Variants in SERPINI1 observed in about 807,000 individuals in gnomAD.
SERPINI1 encodes the protein neuroserpin.
SERPINI1 carries 19 observed loss-of-function variants against 41.1 expected under a neutral mutation model. The ratio of observed to expected loss-of-function variants is 0.46; its 90% CI spans 0.32 to 0.68. SERPINI1 has a LOEUF of 0.68. Ranked by LOEUF, SERPINI1 falls within the 30% of genes least tolerant of loss-of-function variation. The pLI is 0.03. For synonymous variants in SERPINI1, 138 were observed against 156.6 expected (o/e 0.88, Z 0.89); for missense variants, 460 against 479.2 (o/e 0.96, Z 0.37).
intron 1 of SERPINI1, among the ~76,000 whole-genome samples, chr3:167,786,524 A>AG (rs1727318402): frequency 6.6e-6 from 1 of 151,382 alleles, no homozygotes; most frequent in Non-Finnish European, 1.5e-5. Flanking sequence ...AAAAAAAAAA[A>AG]AAAGACTTAA....
At chr3:167,744,666 AT>A (rs1225066364) in intron 1 of SERPINI1, among the ~76,000 whole-genome samples, 13 of 112,798 alleles carry the variant, frequency 1.2e-4, no homozygotes, top group African/African-American at 4.7e-4. Flanking sequence ...AAATATAAAA[AT>A]ATATATATAA....
At chr3:167,774,619 C>T (rs1295282041) in intron 1 of SERPINI1, among the ~76,000 whole-genome samples, 4 of 152,136 alleles carry the variant, frequency 2.6e-5, no homozygotes, top group Non-Finnish European at 5.9e-5. Flanking sequence ...ACCCGAGCTC[C>T]ACCTCCTGTC....
intron 6 of SERPINI1, among the ~76,000 whole-genome samples, chr3:167,812,593 C>T (rs1711930737): frequency 6.6e-6 from 1 of 152,142 alleles, no homozygotes; most frequent in Non-Finnish European, 1.5e-5. Flanking sequence ...ATTTATGTGT[C>T]TAATATTCCC....
intron 1 of SERPINI1, among the ~76,000 whole-genome samples, chr3:167,781,616 C>A (rs920664817): frequency 2.3e-4 from 33 of 143,868 alleles, no homozygotes; most frequent in African/African-American, 8.1e-4. Context: ...GCATTTCTCC[C>A]TAGTTATTTC....
Position 167,760,475 on chromosome 3 carries a change from A to G in SERPINI1, c.-19+24652A>G, listed in dbSNP as rs148982820. ...ATATAACCTCCAATCCTCTGATACT[A>G]TGTCTCTGGGTTGAACATGCAGCCT... On this transcript the variant is annotated intron_variant, in intron 1 of 8. Coordinates refer to ENST00000446050, the MANE Select transcript of SERPINI1 (RefSeq NM_001122752.2). Among the ~76,000 whole-genome samples, 1,242 of 151,672 alleles carry G rather than the reference A, an allele frequency of 8.2e-3. 13 individuals carry two copies. Among genetic ancestry groups the G allele is most frequent in the African/African-American group, 0.028 (1,164 of 41,346 alleles).
chr3:167,820,158 G>C (rs1712263133), intron 6 of SERPINI1, among the ~76,000 whole-genome samples: 1 of 147,226 alleles, frequency 6.8e-6, no homozygotes, highest in Non-Finnish European at 1.5e-5. Flanking sequence ...TGTGTAGATG[G>C]CCGTCTGTCC....
chr3:167,748,069 ATACT>A lies in SERPINI1; in HGVS notation c.-19+12249_-19+12252del, dbSNP rs939868313. 3.9e-5 allele frequency among the ~76,000 whole-genome samples: 6 copies of A among 152,192 alleles called. No individual in the cohort carries two copies. In the South Asian group the frequency reaches 6.2e-4, roughly 16 times the overall value. On this transcript the variant is annotated intron_variant, in intron 1 of 8. Transcript: ENST00000446050. ...TCTTATTTTTCACTCAGAAAATATA[ATACT>A]TAGGAACAAAAAAGTGTGATCAAAA...
chr3:167,752,220 A>G (rs1204447486), intron 1 of SERPINI1, among the ~76,000 whole-genome samples: 2 of 148,506 alleles, frequency 1.3e-5, no homozygotes, highest in Non-Finnish European at 3.0e-5. Flanking sequence ...CATAACTCCT[A>G]AATGTATCTC....
Position 167,790,294 on chromosome 3 carries a change from G to A in SERPINI1, c.251-78G>A, listed in dbSNP as rs540853259. On this transcript the variant is annotated intron_variant, in intron 2 of 8. Coordinates refer to ENST00000446050, the MANE Select transcript of SERPINI1 (RefSeq NM_001122752.2). ...CTGTTTGGTTAATCTCCCTTGCTGT[G>A]CTTTAATGCTCCTCCACTCTCCTTG... 5.2e-5 allele frequency: 57 copies of A among 1,086,338 alleles called. 1 individual carries two copies. In the South Asian group the frequency reaches 6.8e-4, roughly 13 times the overall value. 67.3% of individuals were successfully genotyped at this position (1,086,338 alleles called of 1,614,324 possible). A position where few individuals can be genotyped will look rare whatever the true frequency, so the allele number is the denominator to read the frequency against.
intron 1 of SERPINI1, among the ~76,000 whole-genome samples, chr3:167,748,794 T>TGTG (rs1725946846): frequency 1.7e-5 from 2 of 120,438 alleles, no homozygotes; most frequent in African/African-American, 6.2e-5. Flanking sequence ...GTGTGTGTGT[T>TGTG]AACTGTATCT....
At chr3:167,803,770 A>G (rs1273127666) in intron 5 of SERPINI1, among the ~76,000 whole-genome samples, 37 of 152,212 alleles carry the variant, frequency 2.4e-4, no homozygotes, top group Admixed American at 2.4e-3. Context: ...ATGGATCAGG[A>G]CAACTGTAAT....
In SERPINI1 at chr3:167,771,195, C is replaced by T. The variant is rs188787428; in HGVS notation, c.-18-17916C>T. ...AGAATTTATCCTGTGGAGATAATTG[C>T]CCACCTGTGAAATGCTATATATCTG... is the stretch of plus-strand genomic sequence containing the variant. On this transcript the variant is annotated intron_variant, in intron 1 of 8. Coordinates refer to ENST00000446050, the MANE Select transcript of SERPINI1 (RefSeq NM_001122752.2). Among the ~76,000 whole-genome samples the T allele has an allele frequency of 2.3e-3, 349 of 152,238 alleles. 3 individuals are homozygous for T. The highest frequency in any genetic ancestry group is 2.5e-3 in the Non-Finnish European group (171 of 68,006).
intron 6 of SERPINI1, among the ~76,000 whole-genome samples, chr3:167,807,887 TG>T (rs951476371): frequency 2.6e-5 from 4 of 151,938 alleles, no homozygotes; most frequent in African/African-American, 9.7e-5. Context: ...GAGGCTGAGG[TG>T]GGGGGATCAC....
chr3:167,750,422 G>A (rs1485067249), intron 1 of SERPINI1, among the ~76,000 whole-genome samples: 1 of 152,192 alleles, frequency 6.6e-6, no homozygotes, highest in Non-Finnish European at 1.5e-5. Context: ...AGAAATTAAT[G>A]AAATAGAAAA....
intron 5 of SERPINI1, among the ~76,000 whole-genome samples, chr3:167,800,291 A>T (rs1378375176): frequency 1.3e-5 from 2 of 152,202 alleles, no homozygotes; most frequent in Non-Finnish European, 2.9e-5. Context: ...CCCAAAAAGC[A>T]CTTAAGTATA....
At chr3:167,798,130 C>G (rs1273941629) in intron 5 of SERPINI1, among the ~76,000 whole-genome samples, 2 of 152,044 alleles carry the variant, frequency 1.3e-5, no homozygotes, top group Non-Finnish European at 2.9e-5. Flanking sequence ...CTAATTCAAC[C>G]ATATTCACTA....
At chr3:167,738,578 G>A (rs1314023387) in intron 1 of SERPINI1, among the ~76,000 whole-genome samples, 1 of 151,812 alleles carries the variant, frequency 6.6e-6, no homozygotes, top group South Asian at 2.1e-4. Flanking sequence ...TATAATCCAT[G>A]ATTCCATGAC....
At chr3:167,755,283 C>T (rs897005093) in intron 1 of SERPINI1, among the ~76,000 whole-genome samples, 1 of 152,188 alleles carries the variant, frequency 6.6e-6, no homozygotes, top group African/African-American at 2.4e-5. Context: ...GGCATTATCA[C>T]GATCACTCCA....
intron 1 of SERPINI1, among the ~76,000 whole-genome samples, chr3:167,746,319 C>T (rs1163163661): frequency 6.6e-6 from 1 of 152,092 alleles, no homozygotes; most frequent in Admixed American, 6.5e-5. Context: ...AGAGCTATAA[C>T]TATAAAACTT....
Sources: allele counts gnomAD v4.1 joint callset (sites outside exome capture counted in the v4.1 genomes callset), GRCh38; gene constraint gnomAD v4.1.1; transcripts MANE v1.5; gene names NCBI Gene and HGNC (gene_info 2026-07-23, HGNC 2026-07-21).